The following PBK variants were observed in gnomAD, a reference collection of about 807,000 sequenced individuals.
The protein encoded by PBK is PDZ binding kinase, also known as lymphokine-activated killer T-cell-originated protein kinase.
Under a neutral mutation model 33.5 loss-of-function variants are expected in PBK, and 22 were observed. The ratio of observed to expected loss-of-function variants is 0.66; its 90% confidence interval spans 0.47 to 0.94. The LOEUF (loss-of-function observed/expected upper bound fraction) is 0.94. PBK is among the 40% of genes least tolerant of loss of function. The pLI, the probability that PBK is intolerant of heterozygous loss-of-function variation, is 0.00. For synonymous variants in PBK, 129 were observed against 123.8 expected (o/e 1.04, Z -0.28); for missense variants, 376 against 383.4 (o/e 0.98, Z 0.16).
At chr8:27,818,794 G>A (rs1249778360) in intron 6 of PBK, among the ~76,000 whole-genome samples, 1 of 151,626 alleles carries the variant, frequency 6.6e-6, no homozygotes. Context: ...TCTAGCTTTG[G>A]TGTCTTCTTT....
intron 6 of PBK, among the ~76,000 whole-genome samples, chr8:27,812,938 A>T (rs1248528889): frequency 6.6e-6 from 1 of 152,232 alleles, no homozygotes; most frequent in African/African-American, 2.4e-5. Context: ...TAGAACTAGA[A>T]ATACCATTTG....
At chr8:27,819,003 T>C (rs1805870069) in intron 6 of PBK, among the ~76,000 whole-genome samples, 1 of 152,192 alleles carries the variant, frequency 6.6e-6, no homozygotes, top group Admixed American at 6.5e-5. Context: ...GTCACCTTTA[T>C]CACACAACAA....
chr8:27,814,439 A>C (rs754513513), intron 6 of PBK, among the ~76,000 whole-genome samples: 1 of 152,036 alleles, frequency 6.6e-6, no homozygotes, highest in African/African-American at 2.4e-5. Flanking sequence ...GTCTAGATAA[A>C]GCTTTATATA....
At chr8:27,834,216 C>T (rs909387974) in intron 1 of PBK, among the ~76,000 whole-genome samples, 15 of 151,966 alleles carry the variant, frequency 9.9e-5, no homozygotes, top group African/African-American at 2.4e-4. Flanking sequence ...TTGGTAGAGA[C>T]GGTGTTTCAC....
At chr8:27,827,965 G>A in intron 3 of PBK, 140 bp downstream of exon 3, 1 of 500,940 alleles carries the variant, frequency 2.0e-6, no homozygotes, top group Non-Finnish European at 3.6e-6. Flanking sequence ...AGGGTCTAGG[G>A]ACCGGAATAC....
chr8:27,833,881 G>A (rs1806178682), intron 1 of PBK, among the ~76,000 whole-genome samples: 1 of 152,034 alleles, frequency 6.6e-6, no homozygotes, highest in African/African-American at 2.4e-5. Flanking sequence ...GATGATGAAT[G>A]GATAAACAAA....
chr8:27,816,895 C>A (rs1805825768), intron 6 of PBK, among the ~76,000 whole-genome samples: 1 of 151,864 alleles, frequency 6.6e-6, no homozygotes, highest in Non-Finnish European at 1.5e-5. Context: ...ATAAATTAAA[C>A]CACCCCTTAT....
At chr8:27,823,786 A>G (rs1805975114) in intron 3 of PBK, among the ~76,000 whole-genome samples, 1 of 152,100 alleles carries the variant, frequency 6.6e-6, no homozygotes, top group Non-Finnish European at 1.5e-5. Flanking sequence ...TTTTCTAGGA[A>G]GATTCAGCCA....
intron 1 of PBK, among the ~76,000 whole-genome samples, chr8:27,833,676 T>G (rs1806174340): frequency 6.6e-6 from 1 of 151,630 alleles, no homozygotes; most frequent in Non-Finnish European, 1.5e-5. Context: ...GATTGGGTAT[T>G]TTTGTTTTCA....
rs1288050628 is a variant in PBK at position 27,822,469 on chromosome 8, T to C, written c.315A>G (p.Glu105=). Residue 105 remains glutamate, a synonymous_variant, in exon 5 of 8, where the codon GAA becomes GAG. Transcript: ENST00000301905. ...PNIVGYRAFT[E]ANDGSLCLAM... The stretch of plus-strand genomic sequence containing the variant: ...CAAGACACAGACTGCCATCATTGGC[T>C]TCAGTAAAAGCACGATAACCTTAAA... 2 of 1,606,428 alleles carry C rather than the reference T, an allele frequency of 1.2e-6. No individual in the cohort carries two copies. The highest frequency in any genetic ancestry group is 1.3e-5 in the African/African-American group (1 of 74,610).
intron 1 of PBK, among the ~76,000 whole-genome samples, chr8:27,834,032 T>A (rs201884311): frequency 0.019 from 2,879 of 148,204 alleles, 101 homozygotes; most frequent in African/African-American, 0.07. Flanking sequence ...ATGATCCTTT[T>A]TTTTTTTTTT....
At position 27,822,418 on chromosome 8, in the gene PBK, A is replaced by G; in HGVS notation, c.366T>C (p.Ser122=). The G allele has an allele frequency of 6.2e-7, 1 of 1,612,364 alleles. No homozygotes were observed. The highest frequency in any genetic ancestry group is 8.5e-7 in the Non-Finnish European group (1 of 1,178,584). ...ATCGTTCTTCTATTAAGTCATTTAG[A>G]GACTTTTCACCTCCATATTCCATAG... ...CLAMEYGGEK[S]LNDLIEERYK... The change falls in exon 5 of 8, where the codon TCT becomes TCC. Residue 122 remains serine, a synonymous_variant. Transcript: ENST00000301905.
intron 6 of PBK, among the ~76,000 whole-genome samples, chr8:27,813,284 C>T (rs552884705): frequency 6.6e-6 from 1 of 152,012 alleles, no homozygotes; most frequent in African/African-American, 2.4e-5. Flanking sequence ...CACTTGGACA[C>T]AGGGTGGGGA....
intron 3 of PBK, among the ~76,000 whole-genome samples, chr8:27,824,187 AT>A (rs1805984710): frequency 6.6e-6 from 1 of 152,164 alleles, no homozygotes; most frequent in Non-Finnish European, 1.5e-5. Context: ...TAACAGCAGC[AT>A]TTGAGGATAA....
At position 27,837,723 on chromosome 8, in the gene PBK, G is replaced by T. The variant is rs1806254486; in HGVS notation, c.-92C>A. On this transcript the variant is annotated 5_prime_UTR_variant, in exon 1 of 8. Transcript: ENST00000301905. The stretch of plus-strand genomic sequence containing the variant: ...GTGGCCAAGTACCTCTTCAAAATTG[G>T]TCCCGAGCGGCCCCCAGCGAGACCC... 6.6e-6 allele frequency: 1 copy of T among 152,296 alleles called. No homozygotes were observed. The highest frequency in any genetic ancestry group is 2.4e-5 in the African/African-American group (1 of 41,462). 9.4% of individuals were successfully genotyped at this position (152,296 alleles called of 1,614,324 possible).
intron 2 of PBK, among the ~76,000 whole-genome samples, chr8:27,831,445 G>A (rs1310113464): frequency 6.9e-6 from 1 of 144,506 alleles, no homozygotes; most frequent in African/African-American, 2.6e-5. Context: ...TAGAAATTGG[G>A]GGTGGGGGGA....
intron 2 of PBK, among the ~76,000 whole-genome samples, chr8:27,831,853 T>A (rs1477301593): frequency 6.6e-6 from 1 of 152,176 alleles, no homozygotes; most frequent in African/African-American, 2.4e-5. Context: ...ATCTATTAAC[T>A]GTGAAATCAC....
intron 3 of PBK, among the ~76,000 whole-genome samples, chr8:27,823,473 T>A (rs374491539): frequency 2.7e-5 from 4 of 150,766 alleles, no homozygotes; most frequent in African/African-American, 9.9e-5. Flanking sequence ...TTACAAACTT[T>A]AAACCTGAAA....
In PBK at chr8:27,810,302, T is replaced by A. The variant is rs1805646529; in HGVS notation, c.*3A>T. On this transcript the variant is annotated 3_prime_UTR_variant, in exon 8 of 8. Transcript: ENST00000301905. ...GCAAGCCACACTTCAGCTGAGATGA[T>A]CACTAGACATCTGTTTCCAGAGCTT... The A allele has an allele frequency of 6.3e-7, 1 of 1,599,650 alleles. No homozygotes were observed.
Sources: allele counts gnomAD v4.1 joint callset (sites outside exome capture counted in the v4.1 genomes callset), GRCh38; gene constraint gnomAD v4.1.1; transcripts MANE v1.5; gene names NCBI Gene and HGNC (gene_info 2026-07-23, HGNC 2026-07-21).